Variants in GLI2 observed in about 807,000 individuals in gnomAD.
GLI2 encodes GLI family zinc finger 2.
GLI2 carries 22 observed loss-of-function variants against 78.9 expected under a neutral mutation model. The ratio of observed to expected loss-of-function variants is 0.28; its 90% confidence interval spans 0.20 to 0.40. The LOEUF is 0.40. GLI2 is among the 10% of genes least tolerant of loss of function. GLI2 has a pLI of 1.00. For synonymous variants in GLI2, 974 were observed against 963.7 expected, an observed-to-expected ratio of 1.01 and a Z score of -0.20; for missense variants, 2,097 against 2,213.2, an observed-to-expected ratio of 0.95 and a Z score of 1.05.
intron 1 of GLI2, among the ~76,000 whole-genome samples, chr2:120,738,194 G>T (rs1482280718): frequency 6.6e-6 from 1 of 152,220 alleles, no homozygotes; most frequent in Admixed American, 6.5e-5. Context: ...CTTCTGGTCT[G>T]TCCTGGGGCA....
chr2:120,911,905 G>T (rs1371717873), intron 2 of GLI2, among the ~76,000 whole-genome samples: 1 of 152,140 alleles, frequency 6.6e-6, no homozygotes, highest in Non-Finnish European at 1.5e-5. Context: ...TGACCCTGGG[G>T]CTGGGAGAGT....
chr2:120,906,402 C>T (rs549514982), intron 2 of GLI2, among the ~76,000 whole-genome samples: 1 of 152,292 alleles, frequency 6.6e-6, no homozygotes, highest in African/African-American at 2.4e-5. Context: ...GTGGAGCACC[C>T]AGGGTCCAGA....
intron 3 of GLI2, among the ~76,000 whole-genome samples, chr2:120,942,301 G>A (rs999514008): frequency 6.6e-6 from 1 of 152,142 alleles, no homozygotes. Flanking sequence ...GTGTCACCAG[G>A]GCTGTGCACC....
At chr2:120,801,382 G>T (rs757580926) in intron 2 of GLI2, among the ~76,000 whole-genome samples, 1 of 152,028 alleles carries the variant, frequency 6.6e-6, no homozygotes, top group African/African-American at 2.4e-5. Flanking sequence ...CAAGTGATCC[G>T]CCTGCCCTGG....
chr2:120,737,475 G>A lies in GLI2; in HGVS notation c.-31+1190G>A, dbSNP rs1438598270. On this transcript the variant is annotated intron_variant, in intron 1 of 13. Transcript: ENST00000361492. This position sits in a 1 kb window ranked among gnomAD's most constrained non-coding sequence, Gnocchi z 4.3. ...GTGTAATTGTTCTGTGGCTCCTAGAGTTGATCCCAGCTGGAAAAGTAGACC... is the reference window on the plus strand; with the variant it reads ...GTGTAATTGTTCTGTGGCTCCTAGAATTGATCCCAGCTGGAAAAGTAGACC... 1.3e-5 allele frequency among the ~76,000 whole-genome samples: 2 copies of A among 152,182 alleles called. No individual in the cohort carries two copies. The highest frequency in any genetic ancestry group is 2.1e-4 in the South Asian group (1 of 4,832).
intron 3 of GLI2, among the ~76,000 whole-genome samples, chr2:120,938,307 T>C (rs1328474439): frequency 1.3e-5 from 2 of 152,224 alleles, no homozygotes; most frequent in Non-Finnish European, 2.9e-5. Flanking sequence ...TTCACTTTGC[T>C]AGGAAAAACG....
intron 1 of GLI2, among the ~76,000 whole-genome samples, chr2:120,782,779 G>A (rs759297800): frequency 3.8e-4 from 58 of 152,192 alleles, no homozygotes; most frequent in Non-Finnish European, 6.5e-4. Flanking sequence ...GCCACCGCTG[G>A]CGCAATTTGG....
At chr2:120,756,259 A>G (rs1683029804) in intron 1 of GLI2, among the ~76,000 whole-genome samples, 1 of 152,168 alleles carries the variant, frequency 6.6e-6, no homozygotes, top group Non-Finnish European at 1.5e-5. Flanking sequence ...GCAATGTTTT[A>G]TAACTTTTAG....
At position 120,984,480 on chromosome 2, in the gene GLI2, A is replaced by G. The variant is rs1185122714; in HGVS notation, c.1642A>G (p.Ile548Val). The G allele has an allele frequency of 1.2e-6, 2 of 1,613,996 alleles. No homozygotes were observed. The highest frequency in any genetic ancestry group is 1.6e-4 in the Middle Eastern group (1 of 6,084). ...CTGCTTCTCTCCCCAGAAACCCTAC[A>G]TCTGCAAGATCCCAGGCTGCACCAA... ...NRTHSNEKPYICKIPGCTKRY... is the reference protein window; with the variant it reads ...NRTHSNEKPYVCKIPGCTKRY... The change falls in exon 12 of 14, where the codon ATC (isoleucine) becomes GTC (valine). Residue 548 changes from isoleucine to valine, a missense_variant. Transcript: ENST00000361492.
At chr2:120,934,657 C>T (rs1680108373) in intron 3 of GLI2, among the ~76,000 whole-genome samples, 1 of 152,190 alleles carries the variant, frequency 6.6e-6, no homozygotes, top group African/African-American at 2.4e-5. Flanking sequence ...CTTTCATCTG[C>T]ATGCTTGGTC....
chr2:120,932,165 T>A (rs979217714), intron 3 of GLI2, among the ~76,000 whole-genome samples: 1 of 152,196 alleles, frequency 6.6e-6, no homozygotes, highest in Non-Finnish European at 1.5e-5. Context: ...AAGCCCATGT[T>A]GTAGCTCGCT....
At chr2:120,964,122 C>A (rs1341677022) in intron 5 of GLI2, among the ~76,000 whole-genome samples, 1 of 152,174 alleles carries the variant, frequency 6.6e-6, no homozygotes, top group African/African-American at 2.4e-5. Flanking sequence ...AAAGCTCACC[C>A]CCACCCTTGT....
chr2:120,760,084 C>T (rs975806048), intron 1 of GLI2, among the ~76,000 whole-genome samples: 4 of 152,212 alleles, frequency 2.6e-5, no homozygotes, highest in South Asian at 2.1e-4. Flanking sequence ...TAGCATCCCC[C>T]GGCCTCCCTC....
chr2:120,873,371 A>G (rs374429136), intron 2 of GLI2, among the ~76,000 whole-genome samples: 19 of 152,352 alleles, frequency 1.2e-4, no homozygotes, highest in East Asian at 1.2e-3. Context: ...GTTAATGAAA[A>G]CAACCAATTT....
intron 2 of GLI2, among the ~76,000 whole-genome samples, chr2:120,903,110 C>A (rs971132256): frequency 2.6e-5 from 4 of 151,934 alleles, no homozygotes; most frequent in Non-Finnish European, 5.9e-5. Flanking sequence ...CAGGGCCGGG[C>A]GCAGTGGGTC....
chr2:120,777,310 G>A (rs977858470), intron 1 of GLI2, among the ~76,000 whole-genome samples: 1 of 152,066 alleles, frequency 6.6e-6, no homozygotes, highest in Non-Finnish European at 1.5e-5. Context: ...CCAAGGAGAT[G>A]TGTGAGAAGC....
rs1348461474 is a variant in GLI2, at chr2:120,951,301, C to T, written c.313C>T (p.Pro105Ser). 11 of 1,611,924 alleles carry T rather than the reference C, an allele frequency of 6.8e-6. No individual in the cohort carries two copies. In the South Asian group the frequency reaches 1.2e-4, roughly 18 times the overall value. Residue 105 changes from proline to serine, a missense_variant, in exon 4 of 14, where the codon CCG becomes TCG. Transcript: ENST00000361492. ...ISDISLIRLSPHPAGPGESPF... is the reference protein window; with the variant it reads ...ISDISLIRLSSHPAGPGESPF... Reference sequence around the variant, plus strand: ...TGACATCTCCTTGATCCGGCTTTCCCCGCACCCGGCTGGCCCTGGGGAGTC... The same window carrying T: ...TGACATCTCCTTGATCCGGCTTTCCTCGCACCCGGCTGGCCCTGGGGAGTC...
intron 2 of GLI2, among the ~76,000 whole-genome samples, chr2:120,845,852 T>C (rs577585399): frequency 2.0e-5 from 3 of 152,226 alleles, no homozygotes; most frequent in Non-Finnish European, 4.4e-5. Context: ...TGCTGAGGTT[T>C]TCCTAATTGC....
rs960843120 is a variant in GLI2 at position 120,796,210 on chromosome 2, C to A, written c.-30-1081C>A. On this transcript the variant is annotated intron_variant, in intron 1 of 13. Coordinates refer to ENST00000361492, the MANE Select transcript of GLI2 (RefSeq NM_001374353.1). Reference sequence around the variant, plus strand: ...AATCCCGCTGGGTGTTCCTCCCTTGCTCACAGCCACTTTCCATCCCTCCTT... The same window carrying A: ...AATCCCGCTGGGTGTTCCTCCCTTGATCACAGCCACTTTCCATCCCTCCTT... Among the ~76,000 whole-genome samples, 4 of 152,202 alleles carry A rather than the reference C, an allele frequency of 2.6e-5. No individual in the cohort carries two copies. In the East Asian group the frequency reaches 7.7e-4, roughly 29 times the overall value.
Sources: gnomAD v4.1 joint callset for allele counts (sites outside exome capture counted in the v4.1 genomes callset) on GRCh38, gnomAD v4.1.1 for gene constraint, Gnocchi (gnomAD v3.1) non-coding constraint, MANE v1.5 for transcripts, NCBI Gene and HGNC (gene_info 2026-07-23, HGNC 2026-07-21) for gene names.